Variants in TRPM3 observed in about 807,000 individuals in gnomAD.
TRPM3 encodes long transient receptor potential channel 3.
A neutral mutation model predicts 181.2 loss-of-function variants in TRPM3; 77 were observed. The observed-to-expected ratio is 0.42, with a 90% CI of 0.35 to 0.51. The LOEUF (loss-of-function observed/expected upper bound fraction) is 0.51, where lower values mean the gene tolerates loss of function less well. Ranked by LOEUF, TRPM3 falls within the 20% of genes least tolerant of loss-of-function variation. The probability of loss-of-function intolerance (pLI) is 0.01; values close to 1 mark genes in which losing one functional copy is unlikely to be tolerated. For missense variants in TRPM3, 1,759 were observed against 2,196.7 expected, an observed-to-expected ratio of 0.80 and a Z score of 3.98; for synonymous variants, 745 against 796.4, an observed-to-expected ratio of 0.94 and a Z score of 1.09.
At chr9:71,022,412 C>T (rs2097854297) in intron 1 of TRPM3, among the ~76,000 whole-genome samples, 1 of 152,084 alleles carries the variant, frequency 6.6e-6, no homozygotes, top group Non-Finnish European at 1.5e-5. Flanking sequence ...AAATAGATCA[C>T]AGCTGGTCAT....
chr9:71,279,052 A>C (rs1224319652), intron 1 of TRPM3, among the ~76,000 whole-genome samples: 1 of 139,864 alleles, frequency 7.1e-6, no homozygotes, highest in African/African-American at 3.1e-5. Context: ...AATAAAAATA[A>C]AAATAAAAAT....
intron 1 of TRPM3, among the ~76,000 whole-genome samples, chr9:70,878,764 G>A (rs2095921475): frequency 6.6e-6 from 1 of 152,058 alleles, no homozygotes; most frequent in Non-Finnish European, 1.5e-5. Flanking sequence ...TAATCAGTGT[G>A]CAGTGCATGG....
chr9:70,637,460 C>A lies in TRPM3; in HGVS notation c.1581+1600G>T, dbSNP rs559477259. Among the ~76,000 whole-genome samples the A allele has an allele frequency of 5.5e-4, 84 of 152,154 alleles. 1 individual carries two copies. In the South Asian group the frequency reaches 0.011, roughly 20 times the overall value. ...AGTCTAGAATTTTCCTACCCACCCC[C>A]ACTCCCCAGTCTTTGGAATAAATTA... On this transcript the variant is annotated intron_variant, in intron 11 of 25. Transcript: ENST00000677713.
chr9:71,235,497 G>A (rs1447799080), intron 1 of TRPM3, among the ~76,000 whole-genome samples: 1 of 152,112 alleles, frequency 6.6e-6, no homozygotes, highest in Non-Finnish European at 1.5e-5. Context: ...TTGAATAAAT[G>A]AACAAATGAC....
chr9:71,241,293 A>G (rs1473590134), intron 1 of TRPM3, among the ~76,000 whole-genome samples: 3 of 152,086 alleles, frequency 2.0e-5, no homozygotes, highest in Non-Finnish European at 2.9e-5. Flanking sequence ...TGGCTTATGC[A>G]CTTCGTAGCT....
chr9:71,128,238 C>T (rs1352245746), intron 1 of TRPM3, among the ~76,000 whole-genome samples: 1 of 152,150 alleles, frequency 6.6e-6, no homozygotes, highest in Admixed American at 6.5e-5. Context: ...GGGTGTAAAA[C>T]TTTAATATAT....
intron 8 of TRPM3, among the ~76,000 whole-genome samples, chr9:70,700,487 C>A (rs1432959140): frequency 6.6e-6 from 1 of 152,126 alleles, no homozygotes; most frequent in African/African-American, 2.4e-5. Context: ...GTCTCTACTG[C>A]CCCCCTGCCC....
At chr9:70,602,853 G>C (rs1050220796) in intron 20 of TRPM3, among the ~76,000 whole-genome samples, 1 of 152,208 alleles carries the variant, frequency 6.6e-6, no homozygotes, top group Non-Finnish European at 1.5e-5. Context: ...CCTGCTGGCA[G>C]AGTGGTTGGT....
chr9:70,866,507 C>A (rs2095652297), intron 1 of TRPM3, among the ~76,000 whole-genome samples: 1 of 152,020 alleles, frequency 6.6e-6, no homozygotes, highest in Admixed American at 6.6e-5. Flanking sequence ...AACAGCAATA[C>A]CTGCAACACA....
At position 70,600,592 on chromosome 9, in the gene TRPM3, G is replaced by C. The variant is rs116296044; in HGVS notation, c.2797-1922C>G. On this transcript the variant is annotated intron_variant, in intron 20 of 25. Transcript: ENST00000677713. ...ATATAGATGCTGGGCCCTCAGTCTG[G>C]AGTTTCTGCTTCAGGAGGCTGGGGG... is the stretch of plus-strand genomic sequence containing the variant. 8.2e-3 allele frequency among the ~76,000 whole-genome samples: 1,243 copies of C among 152,266 alleles called. 11 individuals carry two copies. The highest frequency in any genetic ancestry group is 0.028 in the African/African-American group (1,161 of 41,528).
intron 1 of TRPM3, among the ~76,000 whole-genome samples, chr9:71,026,603 C>A (rs539491809): frequency 6.6e-6 from 1 of 152,284 alleles, no homozygotes; most frequent in African/African-American, 2.4e-5. Context: ...GTAAATGAAC[C>A]CCACCATTCC....
chr9:70,983,489 C>T (rs539767843), intron 1 of TRPM3, among the ~76,000 whole-genome samples: 3 of 152,140 alleles, frequency 2.0e-5, no homozygotes, highest in Non-Finnish European at 4.4e-5. Flanking sequence ...TTACTAGACA[C>T]CTCTGTGGAA....
At chr9:71,419,321 G>A (rs1472215311) in intron 1 of TRPM3, among the ~76,000 whole-genome samples, 1 of 151,880 alleles carries the variant, frequency 6.6e-6, no homozygotes, top group Non-Finnish European at 1.5e-5. Context: ...TTCCCCCAAA[G>A]GATGAAGAAA....
chr9:71,032,140 A>AT (rs2057575421), intron 1 of TRPM3, among the ~76,000 whole-genome samples: 1 of 107,882 alleles, frequency 9.3e-6, no homozygotes, highest in African/African-American at 3.4e-5. Flanking sequence ...TTAATGGTGG[A>AT]TTATATATAC....
chr9:70,606,629 T>TTGTGTGTGTG (rs774974386), intron 19 of TRPM3, among the ~76,000 whole-genome samples: 3 of 141,280 alleles, frequency 2.1e-5, no homozygotes, highest in South Asian at 4.8e-4. Flanking sequence ...CATGCTTTAA[T>TTGTGTGTGTG]TGTGTGTGTG....
chr9:71,011,259 T>C (rs1590616956), intron 1 of TRPM3, among the ~76,000 whole-genome samples: 1 of 152,138 alleles, frequency 6.6e-6, no homozygotes, highest in East Asian at 1.9e-4. Flanking sequence ...CAAATAACAA[T>C]GTATTATATA....
intron 24 of TRPM3, among the ~76,000 whole-genome samples, chr9:70,550,189 AAAG>A (rs1359556637): frequency 6.6e-6 from 1 of 152,224 alleles, no homozygotes; most frequent in Admixed American, 6.5e-5. Context: ...CCAAGAAACA[AAAG>A]AAGTCTGCTG....
At chr9:70,874,736 T>C (rs1343107613) in intron 1 of TRPM3, among the ~76,000 whole-genome samples, 2 of 151,834 alleles carry the variant, frequency 1.3e-5, no homozygotes, top group Admixed American at 6.6e-5. Flanking sequence ...AGCTGAATTT[T>C]GTTTATCTCT....
intron 1 of TRPM3, among the ~76,000 whole-genome samples, chr9:71,003,205 A>C (rs1171272882): frequency 7.0e-6 from 1 of 142,206 alleles, no homozygotes; most frequent in Non-Finnish European, 1.6e-5. Flanking sequence ...AAAAAAAAAA[A>C]AAAAAACACT....
Sources: gnomAD v4.1 joint callset for allele counts (sites outside exome capture counted in the v4.1 genomes callset) on GRCh38, gnomAD v4.1.1 for gene constraint, MANE v1.5 for transcripts, NCBI Gene and HGNC (gene_info 2026-07-23, HGNC 2026-07-21) for gene names.